Variants in TRAPPC4 observed in about 807,000 individuals in gnomAD.
The protein encoded by TRAPPC4 is TRS23 homolog.
In TRAPPC4, 30 loss-of-function variants were observed where a neutral mutation model predicts 23.5. That is an observed-to-expected ratio of 1.28 (90% CI 0.96 to 1.73). The LOEUF is 1.73. Among genes scored for constraint, TRAPPC4 ranks in the 40% most tolerant of loss-of-function variants. TRAPPC4 has a pLI of 0.00. For missense variants in TRAPPC4, 252 were observed against 268.9 expected (o/e 0.94, Z 0.44); for synonymous variants, 129 against 105.3 (o/e 1.23, Z -1.38).
At chr11:119,021,686 T>C (rs1943361522) in intron 3 of TRAPPC4, 74 bp from the exon 4 acceptor site, 1 of 1,540,580 alleles carries the variant, frequency 6.5e-7, no homozygotes, top group Non-Finnish European at 8.8e-7. Flanking sequence ...AAATTGAAAG[T>C]GCTGTACAAA....
chr11:119,022,347 T>C (rs569541530), intron 4 of TRAPPC4, among the ~76,000 whole-genome samples: 1 of 152,208 alleles, frequency 6.6e-6, no homozygotes, highest in East Asian at 1.9e-4. Context: ...TCTCAGCACT[T>C]TGGAAGACGG....
At chr11:119,021,513 G>GT (rs1943357882) in intron 3 of TRAPPC4, 1 of 350,998 alleles carries the variant, frequency 2.8e-6, no homozygotes, top group Non-Finnish European at 5.2e-6. Flanking sequence ...AAAACTGTTA[G>GT]TAAGTGGCAG....
chr11:119,020,043 C>T, intron 2 of TRAPPC4, 107 bp from the exon 3 acceptor site: 1 of 697,762 alleles, frequency 1.4e-6, no homozygotes, highest in Non-Finnish European at 2.5e-6. Flanking sequence ...ACTACTTCTC[C>T]TGACTGTCCC....
intron 2 of TRAPPC4, 200 bp from the exon 3 acceptor site, chr11:119,019,950 G>A (rs1246828418): frequency 2.0e-6 from 1 of 505,140 alleles, no homozygotes; most frequent in Non-Finnish European, 3.5e-6. Context: ...GATGTAAAAT[G>A]TCTTGTAACA....
At position 119,023,979 on chromosome 11, in the gene TRAPPC4, C is replaced by G. The variant is rs1026738474; in HGVS notation, c.*580C>G. 6.6e-6 allele frequency: 1 copy of G among 152,650 alleles called. No homozygotes were observed. The highest frequency in any genetic ancestry group is 6.5e-5 in the Admixed American group (1 of 15,362). The allele number at this position is 152,650 out of a possible 1,614,324, so 9.5% of individuals were successfully genotyped here. ...ATCTCACTTGATCTTCACCCTAACT[C>G]CAGGGGGTACATTCTGTTACAGATA... On this transcript the variant is annotated 3_prime_UTR_variant, in exon 5 of 5. Transcript: ENST00000533632.
intron 3 of TRAPPC4, 180 bp from the exon 4 acceptor site, chr11:119,021,580 C>T (rs1412899205): frequency 1.7e-6 from 1 of 591,110 alleles, no homozygotes; most frequent in Non-Finnish European, 2.8e-6. Context: ...AGTTACTTCA[C>T]TTCTCTGGTC....
Position 119,023,494 on chromosome 11 carries a change from G to A in TRAPPC4, c.*95G>A. On this transcript the variant is annotated 3_prime_UTR_variant, in exon 5 of 5. Coordinates refer to ENST00000533632, the MANE Select transcript of TRAPPC4 (RefSeq NM_016146.6). ...TGGAAATCCCAGCAGCCTTGTTAGT[G>A]CACTTGAAAGTGGGAGAATGCTGAC... 8.4e-7 allele frequency: 1 copy of A among 1,195,882 alleles called. No individual in the cohort carries two copies. Among genetic ancestry groups the A allele is most frequent in the South Asian group, 1.2e-5 (1 of 80,472 alleles). 74.1% of individuals were successfully genotyped at this position (1,195,882 alleles called of 1,614,324 possible).
intron 4 of TRAPPC4, 98 bp downstream of exon 4, chr11:119,021,984 T>TTTTG: frequency 2.7e-6 from 4 of 1,457,954 alleles, no homozygotes; most frequent in Middle Eastern, 1.8e-4. Flanking sequence ...GTATTACTTT[T>TTTTG]TTTGTTTGTT....
chr11:119,023,339 G>A lies in TRAPPC4; in HGVS notation c.600G>A (p.Gln200=). ...EMPIRCELFD[Q]NLKLALEVAE... ...GGCTTAGGTGTGAGCTCTTTGACCA[G>A]AACCTGAAGCTAGCTCTGGAGGTGG... is the stretch of plus-strand genomic sequence containing the variant. Residue 200 remains glutamine, a synonymous_variant, in exon 5 of 5, where the codon CAG becomes CAA. Transcript: ENST00000533632. 1.2e-6 allele frequency: 2 copies of A among 1,614,106 alleles called. No individual in the cohort carries two copies. Among genetic ancestry groups the A allele is most frequent in the Non-Finnish European group, 1.7e-6 (2 of 1,180,012 alleles).
chr11:119,020,945 G>C (rs1268072183), intron 3 of TRAPPC4: 1 of 152,144 alleles, frequency 6.6e-6, no homozygotes, highest in African/African-American at 2.4e-5. Context: ...CTAGAGTGCA[G>C]TGGCGCGATG....
At chr11:119,022,974 T>C in intron 4 of TRAPPC4, 1 of 145,526 alleles carries the variant, frequency 6.9e-6, no homozygotes, top group African/African-American at 2.5e-5. Flanking sequence ...TTTTTTTTTT[T>C]TTTTTTGAGA....
intron 3 of TRAPPC4, chr11:119,021,270 C>G (rs991601554): frequency 1.3e-5 from 2 of 152,982 alleles, no homozygotes; most frequent in African/African-American, 4.8e-5. Flanking sequence ...CTGATTTTGT[C>G]CATGCCACCC....
chr11:119,020,533 G>C (rs1456456062), intron 3 of TRAPPC4: 1 of 305,190 alleles, frequency 3.3e-6, no homozygotes, highest in Admixed American at 4.6e-5. Flanking sequence ...CTCCCAAATA[G>C]CTGGGATTAC....
intron 3 of TRAPPC4, chr11:119,021,539 C>G: frequency 2.3e-6 from 1 of 440,818 alleles, no homozygotes; most frequent in Non-Finnish European, 4.1e-6. Context: ...GAACTCAAAG[C>G]CTGGTCTTAA....
Position 119,021,750 on chromosome 11 carries a change from C to G in TRAPPC4, c.455-10C>G. 1.2e-6 allele frequency: 2 copies of G among 1,613,788 alleles called. No homozygotes were observed. The highest frequency in any genetic ancestry group is 1.7e-6 in the Non-Finnish European group (2 of 1,179,830). On this transcript the variant is annotated splice_polypyrimidine_tract_variant and intron_variant, in intron 3 of 4. Transcript: ENST00000533632. Reference sequence around the variant, plus strand: ...CTACGCTTTGGTAACCATTCTTGGTCTCTCTCCAGGGATCAAGTTTGTGGT... The same window carrying G: ...CTACGCTTTGGTAACCATTCTTGGTGTCTCTCCAGGGATCAAGTTTGTGGT...
intron 4 of TRAPPC4, among the ~76,000 whole-genome samples, chr11:119,022,414 C>A (rs1476630322): frequency 6.6e-6 from 1 of 151,978 alleles, no homozygotes; most frequent in African/African-American, 2.4e-5. Flanking sequence ...AACATAGAAC[C>A]CCATCTTTAC....
rs781865693 is a variant in TRAPPC4, at chr11:119,019,306, C to T, written c.339C>T (p.Ser113=). The T allele has an allele frequency of 3.1e-6, 5 of 1,613,190 alleles. No homozygotes were observed. The South Asian group carries it at 3.3e-5, about 11-fold the overall frequency. Residue 113 remains serine, a synonymous_variant, in exon 2 of 5, where the codon TCC becomes TCT. Coordinates refer to ENST00000533632, the MANE Select transcript of TRAPPC4 (RefSeq NM_016146.6). ...LTSNEKLMLA[S]MFHSLFAIGS... ...CTAATGAGAAGCTTATGCTGGCCTC[C>T]ATGTTCCACTCGTAAGTCCCCCGTC... is the stretch of plus-strand genomic sequence containing the variant.
Position 119,020,226 on chromosome 11 carries a change from A to C in TRAPPC4, c.427A>C (p.Lys143Gln). Residue 143 changes from lysine (K) to glutamine (Q), a missense_variant, in exon 3 of 5, where the codon AAA becomes CAA. This residue lies in a region of TRAPPC4 where 222 missense variants were observed against 217.8 expected (regional missense o/e 1.02). Transcript: ENST00000533632. ...GIEMLETDTF[K>Q]LHCYQTLTGI... ...TGAGATGCTGGAGACAGACACATTCAAATTGCACTGCTACCAGACACTGAC... is the reference window on the plus strand; with the variant it reads ...TGAGATGCTGGAGACAGACACATTCCAATTGCACTGCTACCAGACACTGAC... 1 of 1,613,686 alleles carries C rather than the reference A, an allele frequency of 6.2e-7. No individual in the cohort carries two copies.
chr11:119,023,459 G>C lies in TRAPPC4; in HGVS notation c.*60G>C, dbSNP rs1943456527. On this transcript the variant is annotated 3_prime_UTR_variant, in exon 5 of 5. Coordinates refer to ENST00000533632, the MANE Select transcript of TRAPPC4 (RefSeq NM_016146.6). ...TTCCTGCAACAAGAATACTGCTGTT[G>C]ACACTCCAGTGGAAATCCCAGCAGC... 5 of 1,519,722 alleles carry C rather than the reference G, an allele frequency of 3.3e-6. No homozygotes were observed. Among genetic ancestry groups the C allele is most frequent in the Non-Finnish European group, 4.6e-6 (5 of 1,094,746 alleles). The allele number at this position is 1,519,722 out of a possible 1,614,324, so 94.1% of individuals were successfully genotyped here.
Sources: allele counts gnomAD v4.1 joint callset (sites outside exome capture counted in the v4.1 genomes callset), GRCh38; gene constraint gnomAD v4.1.1; regional missense constraint gnomAD v4.1.1; transcripts MANE v1.5; gene names NCBI Gene and HGNC (gene_info 2026-07-23, HGNC 2026-07-21).